The following TAFA4 variants were observed in gnomAD, a reference collection of about 807,000 sequenced individuals.
The protein encoded by TAFA4 is TAFA chemokine like family member 4.
TAFA4 carries 20 observed loss-of-function variants against 21.1 expected under a neutral mutation model. The ratio of observed to expected loss-of-function variants is 0.95; its 90% CI spans 0.67 to 1.38. The LOEUF (loss-of-function observed/expected upper bound fraction) is 1.38, where lower values mean the gene tolerates loss of function less well. Ranked by LOEUF, TAFA4 falls within the 40% of genes most tolerant of loss-of-function variation. The pLI, the probability that TAFA4 is intolerant of heterozygous loss-of-function variation, is 0.00. For synonymous variants in TAFA4, 71 were observed against 67.4 expected, an observed-to-expected ratio of 1.05 and a Z score of -0.26; for missense variants, 211 against 180.9, an observed-to-expected ratio of 1.17 and a Z score of -0.95.
intron 1 of TAFA4, among the ~76,000 whole-genome samples, chr3:68,901,602 T>A (rs1425822128): frequency 6.6e-6 from 1 of 152,222 alleles, no homozygotes; most frequent in African/African-American, 2.4e-5. Flanking sequence ...CCAGGAACGA[T>A]ATATCAAGTG....
intron 3 of TAFA4, among the ~76,000 whole-genome samples, chr3:68,753,988 G>C (rs80108571): frequency 6.6e-6 from 1 of 152,204 alleles, no homozygotes; most frequent in South Asian, 2.1e-4. Context: ...GTGGTACTTT[G>C]TTATTAGTTG....
chr3:68,803,989 T>C (rs915278435), intron 3 of TAFA4, among the ~76,000 whole-genome samples: 6 of 151,862 alleles, frequency 4.0e-5, no homozygotes, highest in Non-Finnish European at 4.4e-5. Context: ...GGTTTCTCCA[T>C]GTTGGCTAGG....
intron 3 of TAFA4, among the ~76,000 whole-genome samples, chr3:68,789,111 G>C (rs1703316727): frequency 6.6e-6 from 1 of 151,920 alleles, no homozygotes; most frequent in Non-Finnish European, 1.5e-5. Flanking sequence ...CAGGTGCCTA[G>C]TCCCAGCTAC....
intron 3 of TAFA4, among the ~76,000 whole-genome samples, chr3:68,781,240 T>C (rs1344704587): frequency 6.8e-6 from 1 of 146,196 alleles, no homozygotes; most frequent in East Asian, 2.7e-4. Context: ...TAAAACTATA[T>C]AAAGAAGAGC....
chr3:68,874,806 AC>A, intron 3 of TAFA4, among the ~76,000 whole-genome samples: 1 of 152,038 alleles, frequency 6.6e-6, no homozygotes, highest in East Asian at 1.9e-4. Flanking sequence ...ACACACACAC[AC>A]AAAGGATGTA....
At chr3:68,771,017 C>T (rs971710354) in intron 3 of TAFA4, among the ~76,000 whole-genome samples, 1 of 152,144 alleles carries the variant, frequency 6.6e-6, no homozygotes, top group Admixed American at 6.5e-5. Flanking sequence ...CAGAACGACT[C>T]GGACACCAAG....
At chr3:68,805,966 T>A (rs553585567) in intron 3 of TAFA4, among the ~76,000 whole-genome samples, 1 of 149,398 alleles carries the variant, frequency 6.7e-6, no homozygotes, top group South Asian at 2.1e-4. Flanking sequence ...AATAACAAAA[T>A]TTTTTTTAAA....
intron 3 of TAFA4, among the ~76,000 whole-genome samples, chr3:68,802,886 T>G (rs180986177): frequency 1.5e-3 from 231 of 152,344 alleles, no homozygotes; most frequent in Middle Eastern, 3.4e-3. Context: ...TACCACATTT[T>G]CACAATATAG....
At chr3:68,790,092 T>C (rs1703334380) in intron 3 of TAFA4, among the ~76,000 whole-genome samples, 2 of 152,178 alleles carry the variant, frequency 1.3e-5, no homozygotes, top group Admixed American at 1.3e-4. Context: ...AATTATAACA[T>C]TTTCGAATAG....
intron 5 of TAFA4, among the ~76,000 whole-genome samples, chr3:68,736,155 G>A (rs949825943): frequency 2.0e-4 from 30 of 151,952 alleles, no homozygotes; most frequent in Non-Finnish European, 4.0e-4. Flanking sequence ...GCTTGGCTTC[G>A]TTGCTAAGAA....
chr3:68,861,320 C>T (rs534286268), intron 3 of TAFA4, among the ~76,000 whole-genome samples: 9 of 152,036 alleles, frequency 5.9e-5, no homozygotes, highest in East Asian at 1.9e-4. Flanking sequence ...TTGGAAAAAC[C>T]TTCCCACTTG....
intron 1 of TAFA4, among the ~76,000 whole-genome samples, chr3:68,919,966 A>G (rs1335702251): frequency 1.3e-5 from 2 of 152,180 alleles, no homozygotes; most frequent in African/African-American, 4.8e-5. Flanking sequence ...ATGCAAACAC[A>G]TGGGTACCAA....
rs1183249414 is a variant in TAFA4, at chr3:68,799,971, T to G, written c.131-46953A>C. 5.3e-5 allele frequency among the ~76,000 whole-genome samples: 8 copies of G among 152,102 alleles called. 1 individual carries two copies. Among genetic ancestry groups the G allele is most frequent in the Admixed American group, 5.2e-4 (8 of 15,270 alleles). Reference sequence around the variant, plus strand: ...TGTGAATCCTATTGTGAACCGCACATGTGGGGGATCTAGGTTGCCGCTCCT... The same window carrying G: ...TGTGAATCCTATTGTGAACCGCACAGGTGGGGGATCTAGGTTGCCGCTCCT... On this transcript the variant is annotated intron_variant, in intron 3 of 5. Transcript: ENST00000295569.
Position 68,733,059 on chromosome 3 carries a change from G to T in TAFA4, c.*83C>A. On this transcript the variant is annotated 3_prime_UTR_variant, in exon 6 of 6. Coordinates refer to ENST00000295569, the MANE Select transcript of TAFA4 (RefSeq NM_182522.5). ...TTGCTGAAATCCTAGACAATTTTCT[G>T]CAAAGGGGCCATGATGGGAATCCAA... 4 of 1,578,900 alleles carry T rather than the reference G, an allele frequency of 2.5e-6. No individual in the cohort carries two copies. The highest frequency in any genetic ancestry group is 3.5e-6 in the Non-Finnish European group (4 of 1,155,800).
intron 4 of TAFA4, among the ~76,000 whole-genome samples, chr3:68,739,964 C>T (rs988739436): frequency 1.3e-5 from 2 of 152,152 alleles, no homozygotes; most frequent in African/African-American, 4.8e-5. Flanking sequence ...CCACTATGTA[C>T]CCTTAAATTT....
intron 3 of TAFA4, among the ~76,000 whole-genome samples, chr3:68,824,632 G>C (rs1704185702): frequency 6.6e-6 from 1 of 152,128 alleles, no homozygotes; most frequent in African/African-American, 2.4e-5. Context: ...ATTCGAATGT[G>C]CATCTCCTTA....
At chr3:68,912,383 A>T (rs2089968075) in intron 1 of TAFA4, among the ~76,000 whole-genome samples, 6 of 152,228 alleles carry the variant, frequency 3.9e-5, no homozygotes. Context: ...CAAGGACAGA[A>T]CCAAAATGTT....
At chr3:68,912,023 C>A (rs1210758154) in intron 1 of TAFA4, among the ~76,000 whole-genome samples, 2 of 152,162 alleles carry the variant, frequency 1.3e-5, no homozygotes, top group Non-Finnish European at 2.9e-5. Flanking sequence ...GATCCTTCTC[C>A]ATTCTTTGGG....
At chr3:68,766,896 A>T (rs970968494) in intron 3 of TAFA4, among the ~76,000 whole-genome samples, 5 of 152,134 alleles carry the variant, frequency 3.3e-5, no homozygotes, top group African/African-American at 1.2e-4. Context: ...AAATAAAACA[A>T]TTTTATTATA....
Sources: allele counts gnomAD v4.1 joint callset (sites outside exome capture counted in the v4.1 genomes callset), GRCh38; gene constraint gnomAD v4.1.1; transcripts MANE v1.5; gene names NCBI Gene and HGNC (gene_info 2026-07-23, HGNC 2026-07-21).